Variants in ZNF385D observed in about 807,000 individuals in gnomAD.
ZNF385D encodes zinc finger protein 385D.
ZNF385D carries 15 observed loss-of-function variants against 35.8 expected under a neutral mutation model. The ratio of observed to expected loss-of-function variants is 0.42; its 90% CI spans 0.28 to 0.64. The LOEUF is 0.64. ZNF385D is among the 30% of genes least tolerant of loss of function. The pLI is 0.23. For missense variants in ZNF385D, 474 were observed against 494.6 expected (o/e 0.96, Z 0.39); for synonymous variants, 212 against 186.8 (o/e 1.13, Z -1.10).
chr3:21,728,735 C>T (rs978149574), intron 1 of ZNF385D, among the ~76,000 whole-genome samples: 1 of 152,168 alleles, frequency 6.6e-6, no homozygotes, highest in African/African-American at 2.4e-5. Context: ...AGATTCAAGT[C>T]GTTCAAATCT....
chr3:21,484,339 T>C (rs59030260), intron 4 of ZNF385D, among the ~76,000 whole-genome samples: 4,167 of 152,216 alleles, frequency 0.027, 188 homozygotes, highest in African/African-American at 0.094. Flanking sequence ...AAAACTGCTT[T>C]AGGGGTGTGT....
chr3:22,201,532 G>T (rs1286536605), intron 2 of ZNF385D, among the ~76,000 whole-genome samples: 1 of 151,956 alleles, frequency 6.6e-6, no homozygotes, highest in African/African-American at 2.4e-5. Context: ...CAGAAAAAAA[G>T]AAAGAAGTTA....
intron 1 of ZNF385D, among the ~76,000 whole-genome samples, chr3:21,693,569 G>A (rs1469043510): frequency 6.6e-6 from 1 of 152,002 alleles, no homozygotes; most frequent in Non-Finnish European, 1.5e-5. Context: ...TGACCTCCTT[G>A]GGTTTCCATT....
At chr3:22,335,971 C>T (rs1296876690) in intron 2 of ZNF385D, among the ~76,000 whole-genome samples, 1 of 151,864 alleles carries the variant, frequency 6.6e-6, no homozygotes, top group East Asian at 1.9e-4. Context: ...TCTGAATTTT[C>T]AAAAATGTAC....
rs192172715 is a variant in ZNF385D at position 21,455,087 on chromosome 3, G to A, written c.440-17884C>T. ...GCCACTGCTCAATGAAATAAAAGAG[G>A]ACACAAACAAATGGAAGAACATTCC... On this transcript the variant is annotated intron_variant, in intron 4 of 7. Coordinates refer to ENST00000281523, the MANE Select transcript of ZNF385D (RefSeq NM_024697.3). 1.9e-3 allele frequency among the ~76,000 whole-genome samples: 295 copies of A among 152,182 alleles called. 5 individuals carry two copies. The East Asian group carries it at 0.023, about 12-fold the overall frequency.
chr3:22,207,437 A>T (rs890525942), intron 2 of ZNF385D, among the ~76,000 whole-genome samples: 1 of 151,972 alleles, frequency 6.6e-6, no homozygotes, highest in African/African-American at 2.4e-5. Context: ...ACAAAAATCA[A>T]ATCAAAATGG....
intron 4 of ZNF385D, among the ~76,000 whole-genome samples, chr3:21,510,574 T>C (rs962549884): frequency 2.6e-5 from 4 of 152,188 alleles, no homozygotes; most frequent in Non-Finnish European, 5.9e-5. Flanking sequence ...AAGGTTCATT[T>C]CTCAAAAAGA....
intron 2 of ZNF385D, among the ~76,000 whole-genome samples, chr3:22,191,328 A>G (rs558419554): frequency 6.6e-6 from 1 of 152,130 alleles, no homozygotes; most frequent in Admixed American, 6.6e-5. Context: ...TCTCTACTGA[A>G]AATACAAAAT....
chr3:21,461,260 T>A (rs1440498499), intron 4 of ZNF385D, among the ~76,000 whole-genome samples: 1 of 152,168 alleles, frequency 6.6e-6, no homozygotes, highest in East Asian at 1.9e-4. Context: ...TATTTAAAAC[T>A]CCTCTTTGAG....
intron 4 of ZNF385D, among the ~76,000 whole-genome samples, chr3:21,489,531 C>T (rs1003371246): frequency 3.9e-5 from 6 of 152,114 alleles, no homozygotes; most frequent in African/African-American, 9.7e-5. Context: ...GTTTTAAAGA[C>T]TTTCCTCATT....
In ZNF385D at chr3:22,015,788, A is replaced by C. The variant is rs1439832835; in HGVS notation, c.325+153029T>G. Reference sequence around the variant, plus strand: ...TCCATCTCCTGGCTTTCCTAGGAAGACTGGCTTGGATTCATGCTTATGCTT... The same window carrying C: ...TCCATCTCCTGGCTTTCCTAGGAAGCCTGGCTTGGATTCATGCTTATGCTT... On this transcript the variant is annotated intron_variant, in intron 3 of 5. Transcript: ENST00000494108. Among the ~76,000 whole-genome samples the C allele has an allele frequency of 2.0e-5, 3 of 152,084 alleles. No homozygotes were observed. The South Asian group carries it at 6.2e-4, about 31-fold the overall frequency.
chr3:21,779,041 A>T (rs1454455479), intron 3 of ZNF385D, among the ~76,000 whole-genome samples: 2 of 152,016 alleles, frequency 1.3e-5, no homozygotes, highest in African/African-American at 2.4e-5. Context: ...GAAAGTGGTT[A>T]TCTGGTGGCT....
intron 1 of ZNF385D, among the ~76,000 whole-genome samples, chr3:21,699,435 T>C (rs1265606467): frequency 3.3e-5 from 5 of 152,058 alleles, no homozygotes; most frequent in Admixed American, 2.6e-4. Context: ...AGTGTATACC[T>C]ATGTAACACA....
At chr3:22,302,771 T>TTTTTCCAAATA (rs1466767015) in intron 2 of ZNF385D, among the ~76,000 whole-genome samples, 2 of 152,132 alleles carry the variant, frequency 1.3e-5, no homozygotes, top group Non-Finnish European at 2.9e-5. Flanking sequence ...TTAGTTTTAA[T>TTTTTCCAAATA]GTTACTTTGA....
chr3:22,328,678 G>A (rs980082138), intron 2 of ZNF385D, among the ~76,000 whole-genome samples: 2 of 151,802 alleles, frequency 1.3e-5, no homozygotes, highest in African/African-American at 2.4e-5. Context: ...CAGGAGAATC[G>A]CTTGAACCTG....
intron 5 of ZNF385D, among the ~76,000 whole-genome samples, chr3:21,427,239 G>A (rs953813293): frequency 3.3e-5 from 5 of 152,172 alleles, no homozygotes; most frequent in Admixed American, 3.3e-4. Context: ...ATATGTAAAT[G>A]ATTATGAAAA....
intron 2 of ZNF385D, among the ~76,000 whole-genome samples, chr3:22,285,977 T>C (rs1702002627): frequency 6.6e-6 from 1 of 152,132 alleles, no homozygotes; most frequent in Non-Finnish European, 1.5e-5. Flanking sequence ...AACCAGATCA[T>C]GATACGTCTC....
At chr3:22,113,473 C>G (rs1426494716) in intron 3 of ZNF385D, among the ~76,000 whole-genome samples, 1 of 151,988 alleles carries the variant, frequency 6.6e-6, no homozygotes, top group Non-Finnish European at 1.5e-5. Flanking sequence ...ATGAACTTAG[C>G]TAACCTAAGA....
chr3:21,660,220 A>T (rs1320292), intron 2 of ZNF385D, among the ~76,000 whole-genome samples: 1 of 151,908 alleles, frequency 6.6e-6, no homozygotes, highest in Non-Finnish European at 1.5e-5. Flanking sequence ...GTAAAATTTC[A>T]TATGCTAATT....
Sources: gnomAD v4.1 joint callset for allele counts (sites outside exome capture counted in the v4.1 genomes callset) on GRCh38, gnomAD v4.1.1 for gene constraint, MANE v1.5 for transcripts, NCBI Gene and HGNC (gene_info 2026-07-23, HGNC 2026-07-21) for gene names.